Variants in ZCCHC7 observed in about 807,000 individuals in gnomAD.
ZCCHC7 encodes zinc finger CCHC-type containing 7, also known as zinc finger CCHC domain-containing protein 7.
ZCCHC7 carries 35 observed loss-of-function variants against 52.0 expected under a neutral mutation model. The observed-to-expected ratio is 0.67, with a 90% CI of 0.51 to 0.89. The LOEUF (loss-of-function observed/expected upper bound fraction) is 0.89. ZCCHC7 is among the 40% of genes least tolerant of loss of function. ZCCHC7 has a pLI of 0.00. For missense variants in ZCCHC7, 574 were observed against 649.1 expected, an observed-to-expected ratio of 0.88 and a Z score of 1.26; for synonymous variants, 217 against 221.5, an observed-to-expected ratio of 0.98 and a Z score of 0.18.
chr9:37,248,765 T>C (rs1219437583), intron 2 of ZCCHC7, among the ~76,000 whole-genome samples: 1 of 152,228 alleles, frequency 6.6e-6, no homozygotes, highest in Non-Finnish European at 1.5e-5. Flanking sequence ...CTGAATACTT[T>C]CCTGATTTTA....
chr9:37,178,622 ATGT>A (rs1426307842), intron 2 of ZCCHC7, among the ~76,000 whole-genome samples: 1 of 152,188 alleles, frequency 6.6e-6, no homozygotes, highest in African/African-American at 2.4e-5. Context: ...GTGTTGGTAC[ATGT>A]TGTTGGAATA....
At chr9:37,127,395 A>G (rs1468044092) in intron 2 of ZCCHC7, among the ~76,000 whole-genome samples, 4 of 152,158 alleles carry the variant, frequency 2.6e-5, no homozygotes, top group African/African-American at 7.2e-5. Context: ...TGGCACACAG[A>G]ATATATGGAA....
At chr9:37,306,005 A>G (rs1829284390) in intron 5 of ZCCHC7, among the ~76,000 whole-genome samples, 1 of 152,146 alleles carries the variant, frequency 6.6e-6, no homozygotes, top group African/African-American at 2.4e-5. Context: ...AGCTTGTTAA[A>G]TAAAGGCTGA....
intron 2 of ZCCHC7, among the ~76,000 whole-genome samples, chr9:37,191,644 A>G (rs1462527761): frequency 6.6e-6 from 1 of 152,186 alleles, no homozygotes; most frequent in Non-Finnish European, 1.5e-5. Flanking sequence ...ATTAATAACC[A>G]TTTAAATTAA....
chr9:37,237,633 A>C (rs747878737), intron 2 of ZCCHC7, among the ~76,000 whole-genome samples: 13 of 152,208 alleles, frequency 8.5e-5, no homozygotes, highest in Non-Finnish European at 1.9e-4. Flanking sequence ...TAATTCATAA[A>C]TTTTTGGCAT....
At position 37,223,979 on chromosome 9, in the gene ZCCHC7, G is replaced by A. The variant is rs1165905940; in HGVS notation, c.611-78209G>A. 6.6e-5 allele frequency among the ~76,000 whole-genome samples: 10 copies of A among 152,030 alleles called. 1 individual carries two copies. Among genetic ancestry groups the A allele is most frequent in the Admixed American group, 5.9e-4 (9 of 15,250 alleles). On this transcript the variant is annotated intron_variant, in intron 2 of 8. Transcript: ENST00000336755. ...TTGAAGTGGTCTTCTTTGGGTGATA[G>A]GATTACAGAGGTTTATCAAATGCTT...
At chr9:37,182,992 C>T (rs1029554911) in intron 2 of ZCCHC7, among the ~76,000 whole-genome samples, 3 of 152,090 alleles carry the variant, frequency 2.0e-5, no homozygotes, top group African/African-American at 7.2e-5. Context: ...GTGAGACCCC[C>T]AACTCTAAGC....
intron 2 of ZCCHC7, among the ~76,000 whole-genome samples, chr9:37,240,732 A>G (rs1825838434): frequency 6.6e-6 from 1 of 151,976 alleles, no homozygotes; most frequent in African/African-American, 2.4e-5. Context: ...AGGTTGGGAT[A>G]GAGATGGCAT....
chr9:37,261,728 G>A (rs558633771), intron 2 of ZCCHC7, among the ~76,000 whole-genome samples: 5 of 152,242 alleles, frequency 3.3e-5, no homozygotes, highest in East Asian at 1.9e-4. Flanking sequence ...GTGAAATTCC[G>A]TAATTAAGCA....
At chr9:37,134,819 G>A (rs755890702) in intron 2 of ZCCHC7, among the ~76,000 whole-genome samples, 4 of 152,034 alleles carry the variant, frequency 2.6e-5, no homozygotes, top group East Asian at 1.9e-4. Context: ...TCCGCCTCCC[G>A]GGTTCAAGTG....
intron 2 of ZCCHC7, among the ~76,000 whole-genome samples, chr9:37,301,086 T>C (rs1332550184): frequency 1.3e-5 from 2 of 152,250 alleles, no homozygotes; most frequent in African/African-American, 4.8e-5. Flanking sequence ...CTAATTTTTT[T>C]ATTGTTATAA....
intron 1 of ZCCHC7, among the ~76,000 whole-genome samples, chr9:37,122,008 T>C (rs1208963932): frequency 1.3e-5 from 2 of 152,218 alleles, no homozygotes; most frequent in Non-Finnish European, 2.9e-5. Flanking sequence ...AATTTTACTT[T>C]GAAAGTAAAG....
At chr9:37,241,835 TC>T (rs1825886732) in intron 2 of ZCCHC7, among the ~76,000 whole-genome samples, 1 of 151,596 alleles carries the variant, frequency 6.6e-6, no homozygotes, top group Non-Finnish European at 1.5e-5. Flanking sequence ...CCCAAATAAC[TC>T]CCAAAAGAGG....
chr9:37,120,501 C>G, upstream of ZCCHC7: 2 of 398,956 alleles, frequency 5.0e-6, no homozygotes, highest in East Asian at 3.6e-5. Flanking sequence ...GTGTTGTCCC[C>G]GGAAGTGCCT....
intron 2 of ZCCHC7, among the ~76,000 whole-genome samples, chr9:37,209,937 GT>G (rs920708674): frequency 6.6e-6 from 1 of 151,360 alleles, no homozygotes; most frequent in African/African-American, 2.4e-5. Context: ...ACCAAGGACA[GT>G]TTTTTTTTCT....
intron 2 of ZCCHC7, among the ~76,000 whole-genome samples, chr9:37,232,307 A>G (rs550375783): frequency 3.3e-5 from 5 of 152,362 alleles, no homozygotes. Flanking sequence ...TCTAAATTCT[A>G]TAGTCTTAAG....
intron 5 of ZCCHC7, among the ~76,000 whole-genome samples, chr9:37,308,800 G>A (rs538684568): frequency 2.4e-4 from 37 of 151,904 alleles, no homozygotes; most frequent in Non-Finnish European, 3.7e-4. Context: ...CCAGCATGGT[G>A]TGAAACCCAG....
intron 2 of ZCCHC7, among the ~76,000 whole-genome samples, chr9:37,223,954 T>G (rs1824962356): frequency 6.6e-6 from 1 of 152,168 alleles, no homozygotes; most frequent in African/African-American, 2.4e-5. Context: ...CTATTAAAAA[T>G]TGAAGTGGTC....
chr9:37,271,477 T>C (rs142672554), intron 2 of ZCCHC7, among the ~76,000 whole-genome samples: 455 of 152,300 alleles, frequency 3.0e-3, no homozygotes, highest in African/African-American at 0.01. Flanking sequence ...ATTATAGAAA[T>C]TTGAACACTG....
Sources: allele counts gnomAD v4.1 joint callset (sites outside exome capture counted in the v4.1 genomes callset), GRCh38; gene constraint gnomAD v4.1.1; transcripts MANE v1.5; gene names NCBI Gene and HGNC (gene_info 2026-07-23, HGNC 2026-07-21).